HERC5: variants seen among roughly 807,000 people sequenced by gnomAD.
HERC5 encodes the protein E3 ISG15--protein ligase HERC5.
A neutral mutation model predicts 119.6 loss-of-function variants in HERC5; 99 were observed. That is an observed-to-expected ratio of 0.83 (90% CI 0.70 to 0.98). The LOEUF (loss-of-function observed/expected upper bound fraction) is 0.98, where lower values mean the gene tolerates loss of function less well. Ranked by LOEUF, HERC5 falls within the 50% of genes least tolerant of loss-of-function variation. The pLI is 0.00. For synonymous variants in HERC5, 478 were observed against 445.9 expected, an observed-to-expected ratio of 1.07 and a Z score of -0.91; for missense variants, 1,267 against 1,241.3, an observed-to-expected ratio of 1.02 and a Z score of -0.31.
At chr4:88,472,263 C>G (rs1560603023) in intron 10 of HERC5, 146 bp from the exon 11 acceptor site, 2 of 598,974 alleles carry the variant, frequency 3.3e-6, no homozygotes, top group East Asian at 5.7e-5. Flanking sequence ...ATCATGTTTA[C>G]TACATTGCAT....
chr4:88,472,271 C>A (rs1421669650), intron 10 of HERC5, 138 bp from the exon 11 acceptor site: 1 of 613,434 alleles, frequency 1.6e-6, no homozygotes, highest in Non-Finnish European at 2.9e-6. Flanking sequence ...TACTACATTG[C>A]ATTTGGATTT....
intron 11 of HERC5, chr4:88,473,408 C>T (rs1740945238): frequency 6.6e-6 from 1 of 152,134 alleles, no homozygotes; most frequent in Non-Finnish European, 1.5e-5. Flanking sequence ...CACCCTTCCT[C>T]CTTTCAGCTC....
intron 16 of HERC5, among the ~76,000 whole-genome samples, chr4:88,491,043 G>T (rs548037651): frequency 2.4e-4 from 36 of 152,242 alleles, no homozygotes; most frequent in Admixed American, 1.4e-3. Flanking sequence ...ACCATTTGCA[G>T]GCTCTGTGTG....
Position 88,486,199 on chromosome 4 carries a change from T to G in HERC5, c.1822T>G (p.Cys608Gly). The G allele has an allele frequency of 6.2e-7, 1 of 1,610,714 alleles. No homozygotes were observed. The highest frequency in any genetic ancestry group is 8.5e-7 in the Non-Finnish European group (1 of 1,177,442). The change falls in exon 14 of 23, where the codon TGC becomes GGC. Residue 608 changes from cysteine to glycine, a missense_variant. Physicochemically the swap from Cys to Gly is radical, Grantham distance 159. Coordinates refer to ENST00000264350, the MANE Select transcript of HERC5 (RefSeq NM_016323.4). Reference sequence around the variant, plus strand: ...CCGTCTCAATTTTTTTGTAGAAGTATGCAGAAGGTACTTGTGGAAAATGAC... The same window carrying G: ...CCGTCTCAATTTTTTTGTAGAAGTAGGCAGAAGGTACTTGTGGAAAATGAC... ...LHRLNFFVEV[C>G]RRYLWKMTVD...
chr4:88,492,598 T>C (rs1438031989), intron 16 of HERC5, among the ~76,000 whole-genome samples: 2 of 151,466 alleles, frequency 1.3e-5, no homozygotes, highest in Non-Finnish European at 2.9e-5. Context: ...ACAAAAAAAT[T>C]AGCCAGGCGT....
Position 88,489,217 on chromosome 4 carries a change from G to C in HERC5, c.2014G>C (p.Glu672Gln), listed in dbSNP as rs777948130. 73 of 1,613,810 alleles carry C rather than the reference G, an allele frequency of 4.5e-5. No individual in the cohort carries two copies. Among genetic ancestry groups the C allele is most frequent in the Non-Finnish European group, 5.5e-5 (65 of 1,179,932 alleles). The change falls in exon 16 of 23, where the codon GAG becomes CAG. Residue 672 changes from glutamate (E) to glutamine (Q), a missense_variant. Glu to Gln is a conservative substitution (Grantham distance 29). Coordinates refer to ENST00000264350, the MANE Select transcript of HERC5 (RefSeq NM_016323.4). ...GTCGGCAGCAATTGAGGAAGAAAGA[G>C]AGTCTGAATTCGCTTTGAGGCCCAC... ...LRSAAIEEERESEFALRPTFD... is the reference protein window; with the variant it reads ...LRSAAIEEERQSEFALRPTFD...
In HERC5 at chr4:88,475,872, A is replaced by G. The variant is rs1310681148; in HGVS notation, c.1424A>G (p.Lys475Arg). 3.7e-6 allele frequency: 6 copies of G among 1,613,948 alleles called. No individual in the cohort carries two copies. The highest frequency in any genetic ancestry group is 4.2e-6 in the Non-Finnish European group (5 of 1,180,012). ...ACCTGCCTCAAAGATAATCTGCTCAAAAGACTTCCATTTCATTCTCCACCC... is the reference window on the plus strand; with the variant it reads ...ACCTGCCTCAAAGATAATCTGCTCAGAAGACTTCCATTTCATTCTCCACCC... ...ITTCLKDNLL[K>R]RLPFHSPPQE... Residue 475 changes from lysine (K) to arginine (R), a missense_variant, in exon 12 of 23, where the codon AAA (lysine) becomes AGA (arginine). By Grantham distance (26) the Lys-to-Arg change is conservative (BLOSUM62 2). This residue lies in a region of HERC5 where 777 missense variants were observed against 758.0 expected (regional missense o/e 1.03). Transcript: ENST00000264350.
chr4:88,487,331 G>T, intron 15 of HERC5, 152 bp downstream of exon 15: 1 of 528,006 alleles, frequency 1.9e-6, no homozygotes. Context: ...AGACGGCAAG[G>T]CAGACTGTCA....
rs1742040417 is a variant in HERC5, at chr4:88,504,324, G to A, written c.2675G>A (p.Cys892Tyr). The change falls in exon 21 of 23, where the codon TGC (cysteine) becomes TAC (tyrosine). Residue 892 changes from cysteine to tyrosine, a missense_variant. By Grantham distance (194) the Cys-to-Tyr change is radical. Coordinates refer to ENST00000264350, the MANE Select transcript of HERC5 (RefSeq NM_016323.4). Reference sequence around the variant, plus strand: ...TTTCGGAGAGGATTTTATAAAATGTGCGACGAAGACATTATCAAATTATTC... The same window carrying A: ...TTTCGGAGAGGATTTTATAAAATGTACGACGAAGACATTATCAAATTATTC... Reference protein sequence around the residue: ...EEFRRGFYKMCDEDIIKLFHP... With the variant: ...EEFRRGFYKMYDEDIIKLFHP... 6.2e-7 allele frequency: 1 copy of A among 1,613,070 alleles called. No individual in the cohort carries two copies. Among genetic ancestry groups the A allele is most frequent in the Admixed American group, 1.7e-5 (1 of 59,990 alleles).
At chr4:88,487,453 T>C (rs1298020348) in intron 15 of HERC5, among the ~76,000 whole-genome samples, 1 of 152,220 alleles carries the variant, frequency 6.6e-6, no homozygotes, top group East Asian at 1.9e-4. Flanking sequence ...AGTGGCAGCC[T>C]GTAGTCTTCT....
chr4:88,494,482 T>C, intron 18 of HERC5, 151 bp downstream of exon 18: 1 of 685,056 alleles, frequency 1.5e-6, no homozygotes, highest in East Asian at 2.9e-5. Flanking sequence ...TGTTGGATGA[T>C]AATTTCGTTT....
Position 88,504,531 on chromosome 4 carries a change from C to T in HERC5, c.2803C>T (p.Pro935Ser). The stretch of plus-strand genomic sequence containing the variant: ...TGAACCAGGATATAACAGTTCACAT[C>T]CCACCATAGTGATGTTTTGGAAGGC... ...RYEPGYNSSH[P>S]TIVMFWKAFH... The change falls in exon 22 of 23, where the codon CCC becomes TCC. Residue 935 changes from proline (P) to serine (S), a missense_variant. Physicochemically the swap from Pro to Ser is moderately conservative, Grantham distance 74. Coordinates refer to ENST00000264350, the MANE Select transcript of HERC5 (RefSeq NM_016323.4). 1 of 1,577,238 alleles carries T rather than the reference C, an allele frequency of 6.3e-7. No homozygotes were observed. Among genetic ancestry groups the T allele is most frequent in the Non-Finnish European group, 8.6e-7 (1 of 1,165,130 alleles).
chr4:88,499,999 A>G lies in HERC5; in HGVS notation c.2511+7A>G, dbSNP rs758962475. ...ATTTTACATCCATTTTAATGTGAGT[A>G]ACAATAAAAGCAGATAACAGATTAG... On this transcript the variant is annotated splice_region_variant and intron_variant, in intron 19 of 22. Transcript: ENST00000264350. 1 of 1,542,108 alleles carries G rather than the reference A, an allele frequency of 6.5e-7. No individual in the cohort carries two copies. The highest frequency in any genetic ancestry group is 1.1e-5 in the South Asian group (1 of 89,590).
chr4:88,500,382 T>A (rs767749090), intron 19 of HERC5, among the ~76,000 whole-genome samples: 1 of 152,258 alleles, frequency 6.6e-6, no homozygotes, highest in Non-Finnish European at 1.5e-5. Context: ...GAAGCAAGAC[T>A]GCAGTCTTTA....
At chr4:88,486,530 C>T (rs1298629629) in intron 14 of HERC5, among the ~76,000 whole-genome samples, 1 of 152,204 alleles carries the variant, frequency 6.6e-6, no homozygotes, top group Non-Finnish European at 1.5e-5. Context: ...GGCAGTGAGA[C>T]TCATCAGGAG....
intron 13 of HERC5, among the ~76,000 whole-genome samples, chr4:88,481,260 C>T (rs571163471): frequency 1.3e-5 from 2 of 152,194 alleles, no homozygotes; most frequent in South Asian, 4.1e-4. Context: ...GCCATGTAGC[C>T]CAGGCTGGTC....
In HERC5 at chr4:88,460,172, G is replaced by T; in HGVS notation, c.466+1G>T. On this transcript the variant is annotated splice_donor_variant, in intron 3 of 22. Transcript: ENST00000264350. LOFTEE classifies it high-confidence loss of function. ...TACCATTCTCTTGCACTCTCAAAAG[G>T]TAATTTTTCTGTAATATTAATAGTT... The T allele has an allele frequency of 6.6e-7, 1 of 1,503,818 alleles. No homozygotes were observed. The highest frequency in any genetic ancestry group is 2.3e-5 in the East Asian group (1 of 43,816). The allele number at this position is 1,503,818 out of a possible 1,614,324, so 93.2% of individuals were successfully genotyped here. A position where few individuals can be genotyped will look rare whatever the true frequency, so the allele number is the denominator to read the frequency against.
chr4:88,464,581 T>G (rs539748872), intron 6 of HERC5, among the ~76,000 whole-genome samples: 16 of 151,596 alleles, frequency 1.1e-4, no homozygotes, highest in Admixed American at 4.6e-4. Flanking sequence ...TGTTTGTTTG[T>G]TTTTTGGTTT....
At chr4:88,465,194 G>A (rs1202930453) in intron 6 of HERC5, among the ~76,000 whole-genome samples, 2 of 152,014 alleles carry the variant, frequency 1.3e-5, no homozygotes, top group African/African-American at 2.4e-5. Context: ...GGATTACAGG[G>A]GTGAGCCACC....
Sources: allele counts gnomAD v4.1 joint callset (sites outside exome capture counted in the v4.1 genomes callset), GRCh38; gene constraint gnomAD v4.1.1; regional missense constraint gnomAD v4.1.1; transcripts MANE v1.5; gene names NCBI Gene and HGNC (gene_info 2026-07-23, HGNC 2026-07-21).